The following FOXO3B variants were observed in gnomAD, a reference collection of about 807,000 sequenced individuals.
FOXO3B encodes the protein forkhead box protein O3B.
FOXO3B carries 15 observed loss-of-function variants against 21.9 expected under a neutral mutation model. The ratio of observed to expected loss-of-function variants is 0.68; its 90% CI spans 0.46 to 1.05. The LOEUF is 1.05. Ranked by LOEUF, FOXO3B falls within the 50% of genes least tolerant of loss-of-function variation. The pLI is 0.00. For missense variants in FOXO3B, 293 were observed against 435.5 expected (o/e 0.67, Z 2.91); for synonymous variants, 135 against 213.6 (o/e 0.63, Z 3.21).
At position 18,672,103 on chromosome 17, in the gene FOXO3B, T is replaced by G; in HGVS notation, c.*206A>C. 6.2e-7 allele frequency: 1 copy of G among 1,610,970 alleles called. No homozygotes were observed. ...GTCGTCAGCTGATTCGGGGGCTGTC[T>G]GCAGGGCTGCCTTCTTCTTGGCTGT... On this transcript the variant is annotated 3_prime_UTR_variant, in exon 4 of 4. Coordinates refer to ENST00000395675, the MANE Select transcript of FOXO3B (RefSeq NM_001368135.1). This position sits in a 1 kb window ranked among gnomAD's most constrained non-coding sequence, Gnocchi z 4.2.
At chr17:18,677,515 A>C (rs2032512849) in intron 3 of FOXO3B, 3 of 1,613,570 alleles carry the variant, frequency 1.9e-6, no homozygotes, top group African/African-American at 1.3e-5. Flanking sequence ...GAGAACTACG[A>C]GGAGTATGCG....
At chr17:18,680,432 A>C (rs1421232492) in intron 3 of FOXO3B, among the ~76,000 whole-genome samples, 2 of 152,074 alleles carry the variant, frequency 1.3e-5, no homozygotes, top group South Asian at 4.2e-4. Flanking sequence ...GGTATGTGCC[A>C]CATTATATTT....
At chr17:18,676,862 G>A (rs1324273685) in intron 3 of FOXO3B, among the ~76,000 whole-genome samples, 2 of 152,002 alleles carry the variant, frequency 1.3e-5, no homozygotes, top group East Asian at 1.9e-4. Context: ...CACCATGCCC[G>A]GCTAATTTTT....
chr17:18,680,930 A>T, intron 2 of FOXO3B, 101 bp from the exon 3 acceptor site: 1 of 1,212,616 alleles, frequency 8.2e-7, no homozygotes, highest in Non-Finnish European at 1.2e-6. Flanking sequence ...CTGCCTACAA[A>T]CACTGAGACT....
rs2032349258 is a variant in FOXO3B, at chr17:18,670,766, TGG to T, written c.*1541_*1542del. On this transcript the variant is annotated 3_prime_UTR_variant, in exon 4 of 4. Coordinates refer to ENST00000395675, the MANE Select transcript of FOXO3B (RefSeq NM_001368135.1). ...TCTCTGCTGGGTTAGGAAAATGGCGTGGGATTCACAAAGGTGTTAAGCTGTAA... is the reference window on the plus strand; with the variant it reads ...TCTCTGCTGGGTTAGGAAAATGGCGTGATTCACAAAGGTGTTAAGCTGTAA... 6.6e-6 allele frequency among the ~76,000 whole-genome samples: 1 copy of T among 152,098 alleles called. No homozygotes were observed. The highest frequency in any genetic ancestry group is 2.1e-4 in the South Asian group (1 of 4,826).
At chr17:18,677,116 C>T in intron 3 of FOXO3B, 1 of 682,294 alleles carries the variant, frequency 1.5e-6, no homozygotes, top group Non-Finnish European at 2.5e-6. Flanking sequence ...TAAGTGTTGA[C>T]AAGCATGTGG....
In FOXO3B at chr17:18,671,589, G is replaced by T; in HGVS notation, c.*720C>A. On this transcript the variant is annotated 3_prime_UTR_variant, in exon 4 of 4. Coordinates refer to ENST00000395675, the MANE Select transcript of FOXO3B (RefSeq NM_001368135.1). Reference sequence around the variant, plus strand: ...GTTCTCTTGGATGGTCTGCATGGGAGACTGGCGTAGGGAGTTCAGAGATGA... The same window carrying T: ...GTTCTCTTGGATGGTCTGCATGGGATACTGGCGTAGGGAGTTCAGAGATGA... 1 of 1,613,496 alleles carries T rather than the reference G, an allele frequency of 6.2e-7. No individual in the cohort carries two copies. Among genetic ancestry groups the T allele is most frequent in the South Asian group, 1.1e-5 (1 of 91,048 alleles).
chr17:18,674,046 C>T (rs1191269813), intron 3 of FOXO3B, among the ~76,000 whole-genome samples: 2 of 151,918 alleles, frequency 1.3e-5, no homozygotes, highest in African/African-American at 4.9e-5. Context: ...TTATTTTAGA[C>T]ATTCAGTTTT....
In FOXO3B at chr17:18,672,899, G is replaced by T. The variant is rs554037489; in HGVS notation, c.283C>A (p.Pro95Thr). 3.2e-4 allele frequency: 496 copies of T among 1,556,518 alleles called. 1 individual carries two copies. The African/African-American group carries it at 6.3e-3, about 20-fold the overall frequency. ...AGCTCCACTTCGAGCGGAGAAAGCGGGGCCGGGGAAGCCGGTGCCTCTGCC... is the reference window on the plus strand; with the variant it reads ...AGCTCCACTTCGAGCGGAGAAAGCGTGGCCGGGGAAGCCGGTGCCTCTGCC... ...KMAEAPASPA[P>T]LSPLEVELDP... Residue 95 changes from proline (P) to threonine (T), a missense_variant, in exon 4 of 4, where the codon CCG becomes ACG. By Grantham distance (38) the Pro-to-Thr change is conservative. Around this residue, in one of 2 missense-constraint regions of FOXO3B, gnomAD observed 251 missense variants for 404.0 expected, o/e 0.62. Coordinates refer to ENST00000395675, the MANE Select transcript of FOXO3B (RefSeq NM_001368135.1). This position sits in a 1 kb window ranked among gnomAD's most constrained non-coding sequence, Gnocchi z 4.2.
Position 18,667,750 on chromosome 17 carries a change from C to A in FOXO3B, c.*4559G>T, listed in dbSNP as rs1024732257. ...GGTAACAGGTATCAGGTTCTGGAGC[C>A]CTGGAGAGAACAGCAGATCCCAAGA... On this transcript the variant is annotated 3_prime_UTR_variant, in exon 4 of 4. Coordinates refer to ENST00000395675, the MANE Select transcript of FOXO3B (RefSeq NM_001368135.1). 3 of 151,610 alleles carry A rather than the reference C, an allele frequency of 2.0e-5. No homozygotes were observed. Among genetic ancestry groups the A allele is most frequent in the African/African-American group, 4.9e-5 (2 of 40,686 alleles). 9.4% of individuals were successfully genotyped at this position (151,610 alleles called of 1,614,324 possible).
Position 18,669,582 on chromosome 17 carries a change from C to T in FOXO3B, c.*2727G>A, listed in dbSNP as rs1400900068. 6.6e-6 allele frequency: 1 copy of T among 152,564 alleles called. No individual in the cohort carries two copies. Among genetic ancestry groups the T allele is most frequent in the Non-Finnish European group, 1.5e-5 (1 of 68,046 alleles). The allele number at this position is 152,564 out of a possible 1,614,324, so 9.5% of individuals were successfully genotyped here. A position where few individuals can be genotyped will look rare whatever the true frequency, so the allele number is the denominator to read the frequency against. ...CACACTTTCCAGGTTAAACAGAAAG[C>T]ACCTATACAGCACCATAACTTTTTG... On this transcript the variant is annotated 3_prime_UTR_variant, in exon 4 of 4. Coordinates refer to ENST00000395675, the MANE Select transcript of FOXO3B (RefSeq NM_001368135.1).
Position 18,671,603 on chromosome 17 carries a change from G to A in FOXO3B, c.*706C>T. 1.2e-6 allele frequency: 2 copies of A among 1,613,720 alleles called. No individual in the cohort carries two copies. The highest frequency in any genetic ancestry group is 1.1e-5 in the South Asian group (1 of 91,068). ...TCTGCATGGGAGACTGGCGTAGGGAGTTCAGAGATGAAGGTCCAAACACCG... is the reference window on the plus strand; with the variant it reads ...TCTGCATGGGAGACTGGCGTAGGGAATTCAGAGATGAAGGTCCAAACACCG... On this transcript the variant is annotated 3_prime_UTR_variant, in exon 4 of 4. Coordinates refer to ENST00000395675, the MANE Select transcript of FOXO3B (RefSeq NM_001368135.1).
At chr17:18,675,264 A>AG (rs1361494327) in intron 3 of FOXO3B, among the ~76,000 whole-genome samples, 3 of 152,136 alleles carry the variant, frequency 2.0e-5, no homozygotes, top group Non-Finnish European at 4.4e-5. Flanking sequence ...CTGAAAAGGC[A>AG]GAAAAAAAAA....
At chr17:18,680,314 A>G (rs4924764) in intron 3 of FOXO3B, among the ~76,000 whole-genome samples, 26,271 of 152,200 alleles carry the variant, frequency 0.17, 2,724 homozygotes, top group African/African-American at 0.29. Flanking sequence ...TCTTTGAACT[A>G]TGTGAGTATT....
intron 3 of FOXO3B, among the ~76,000 whole-genome samples, chr17:18,678,334 T>G (rs1294709747): frequency 6.6e-6 from 1 of 152,022 alleles, no homozygotes; most frequent in East Asian, 1.9e-4. Flanking sequence ...TGGGTACTGG[T>G]GGGTAGATGG....
Position 18,671,959 on chromosome 17 carries a change from C to T in FOXO3B, c.*350G>A, listed in dbSNP as rs776789723. The stretch of plus-strand genomic sequence containing the variant: ...TGTGCTTGCCATGATGGGCGACAGG[C>T]GGCCACTGACTGTGCTGGCGTTAGA... On this transcript the variant is annotated 3_prime_UTR_variant, in exon 4 of 4. Transcript: ENST00000395675. The T allele has an allele frequency of 4.3e-6, 7 of 1,613,306 alleles. No individual in the cohort carries two copies. The highest frequency in any genetic ancestry group is 3.3e-5 in the South Asian group (3 of 91,016).
intron 3 of FOXO3B, among the ~76,000 whole-genome samples, chr17:18,675,737 T>C (rs1044388178): frequency 1.3e-5 from 2 of 152,134 alleles, no homozygotes; most frequent in Admixed American, 6.5e-5. Context: ...AATTATTCCA[T>C]GAACAATGCT....
intron 2 of FOXO3B, among the ~76,000 whole-genome samples, chr17:18,681,107 A>G (rs541273958): frequency 6.6e-6 from 1 of 152,032 alleles, no homozygotes; most frequent in South Asian, 2.1e-4. Flanking sequence ...TCCCAGCTTA[A>G]TCTATACTCG....
chr17:18,674,639 A>AAAGGGGGGG (rs61684359), intron 3 of FOXO3B, among the ~76,000 whole-genome samples: 4 of 121,406 alleles, frequency 3.3e-5, no homozygotes, highest in African/African-American at 1.4e-4. Flanking sequence ...AAAAAAAAAA[A>AAAGGGGGGG]GGGGGGGGGG....
Sources: allele counts gnomAD v4.1 joint callset (sites outside exome capture counted in the v4.1 genomes callset), GRCh38; gene constraint gnomAD v4.1.1; regional missense constraint gnomAD v4.1.1; non-coding constraint Gnocchi (gnomAD v3.1); transcripts MANE v1.5; gene names NCBI Gene and HGNC (gene_info 2026-07-23, HGNC 2026-07-21).